The following NCAPG2 variants were observed in gnomAD, a reference collection of about 807,000 sequenced individuals.
NCAPG2 encodes non-SMC condensin II complex subunit G2.
Under a neutral mutation model 141.1 loss-of-function variants are expected in NCAPG2, and 53 were observed. That is an observed-to-expected ratio of 0.38 (90% CI 0.30 to 0.47). The LOEUF (loss-of-function observed/expected upper bound fraction) is 0.47. Among genes scored for constraint, NCAPG2 ranks in the 20% least tolerant of loss-of-function variants. The pLI, the probability that NCAPG2 is intolerant of heterozygous loss-of-function variation, is 0.99. For synonymous variants in NCAPG2, 499 were observed against 490.7 expected, an observed-to-expected ratio of 1.02 and a Z score of -0.22; for missense variants, 1,087 against 1,389.0, an observed-to-expected ratio of 0.78 and a Z score of 3.46.
intron 24 of NCAPG2, among the ~76,000 whole-genome samples, chr7:158,648,400 A>C (rs1052151074): frequency 1.3e-5 from 2 of 152,358 alleles, no homozygotes; most frequent in South Asian, 4.1e-4. Context: ...AAAGAAAAAA[A>C]AACAGAAAGA....
Position 158,656,389 on chromosome 7 carries a change from G to T in NCAPG2, c.2259C>A (p.Arg753=). 1.2e-6 allele frequency: 2 copies of T among 1,614,174 alleles called. No individual in the cohort carries two copies. Among genetic ancestry groups the T allele is most frequent in the Non-Finnish European group, 1.7e-6 (2 of 1,180,036 alleles). ...CCAATGCCAATTCAGGTTTGACTGG[G>T]CGTGTGTCATGGATCTGCACCCTAC... The part of the protein sequence containing the change: ...SKGRVQIHDT[R]PVKPELALVY... Residue 753 remains arginine, a synonymous_variant, in exon 19 of 28, where the codon CGC becomes CGA. Transcript: ENST00000356309.
intron 8 of NCAPG2, among the ~76,000 whole-genome samples, chr7:158,684,055 A>G (rs1231323338): frequency 6.6e-6 from 1 of 152,214 alleles, no homozygotes; most frequent in Non-Finnish European, 1.5e-5. Flanking sequence ...ACCTAAGGAA[A>G]CGCTCCTAGG....
At position 158,667,372 on chromosome 7, in the gene NCAPG2, G is replaced by A. The variant is rs1160628004; in HGVS notation, c.1480-2622C>T. On this transcript the variant is annotated intron_variant, in intron 13 of 27. Transcript: ENST00000356309. Reference sequence around the variant, plus strand: ...TCCTTAGCCACTACCGGATCCCTCCGCCCCCCCTTACCCACTACTGGGTCC... The same window carrying A: ...TCCTTAGCCACTACCGGATCCCTCCACCCCCCCTTACCCACTACTGGGTCC... 4.8e-5 allele frequency: 4 copies of A among 83,056 alleles called. 1 individual carries two copies. The African/African-American group carries it at 1.2e-3, about 25-fold the overall frequency. 5.1% of individuals were successfully genotyped at this position (83,056 alleles called of 1,614,324 possible). A position where few individuals can be genotyped will look rare whatever the true frequency, so the allele number is the denominator to read the frequency against.
chr7:158,673,804 GAAGAGT>G, intron 12 of NCAPG2, among the ~76,000 whole-genome samples: 1 of 152,350 alleles, frequency 6.6e-6, no homozygotes, highest in South Asian at 2.1e-4. Flanking sequence ...GCCAGCACTT[GAAGAGT>G]AAGAGTATTC....
chr7:158,692,241 G>A (rs10807656), intron 4 of NCAPG2, among the ~76,000 whole-genome samples: 134,584 of 152,192 alleles, frequency 0.88, 59,580 homozygotes, highest in Admixed American at 0.93. Flanking sequence ...CAGGAGGTCA[G>A]GGCTACAGTG....
chr7:158,662,592 T>A (rs1048824878), intron 15 of NCAPG2, among the ~76,000 whole-genome samples: 3 of 152,194 alleles, frequency 2.0e-5, no homozygotes, highest in Admixed American at 2.0e-4. Context: ...AAGAAACAGT[T>A]TACATGAAGA....
At chr7:158,658,135 C>T (rs1295676480) in intron 17 of NCAPG2, among the ~76,000 whole-genome samples, 3 of 148,128 alleles carry the variant, frequency 2.0e-5, no homozygotes, top group African/African-American at 7.4e-5. Context: ...TGAGAAACAC[C>T]CAAGAATGAT....
intron 16 of NCAPG2, among the ~76,000 whole-genome samples, chr7:158,661,117 A>G (rs1832467844): frequency 6.6e-6 from 1 of 152,116 alleles, no homozygotes; most frequent in Non-Finnish European, 1.5e-5. Flanking sequence ...AACTAATACA[A>G]TCTGCTTTCA....
intron 2 of NCAPG2, among the ~76,000 whole-genome samples, chr7:158,697,597 A>C (rs1835533947): frequency 6.6e-6 from 1 of 151,722 alleles, no homozygotes; most frequent in Non-Finnish European, 1.5e-5. Flanking sequence ...CAAGGCTCCA[A>C]CTGAAAAGAA....
chr7:158,656,817 T>TTA lies in NCAPG2; in HGVS notation c.2061-114_2061-113dup. ...AAATCTGACGGTGCATAAGCCCTTG[T>TTA]TATTATATTAGCACTTCCATGCTCT... On this transcript the variant is annotated intron_variant, in intron 17 of 27. Transcript: ENST00000356309. 2.4e-6 allele frequency: 3 copies of TTA among 1,242,744 alleles called. 1 individual carries two copies. In the South Asian group the frequency reaches 4.5e-5, roughly 19 times the overall value. The allele number at this position is 1,242,744 out of a possible 1,614,324, so 77.0% of individuals were successfully genotyped here. A position where few individuals can be genotyped will look rare whatever the true frequency, so the allele number is the denominator to read the frequency against.
intron 27 of NCAPG2, among the ~76,000 whole-genome samples, chr7:158,638,520 G>A (rs992119233): frequency 6.6e-5 from 10 of 152,068 alleles, no homozygotes; most frequent in East Asian, 1.9e-4. Context: ...GATTACAGAC[G>A]CGAGCCACCA....
intron 2 of NCAPG2, among the ~76,000 whole-genome samples, chr7:158,697,348 T>TC (rs1233219335): frequency 1.3e-5 from 2 of 152,222 alleles, no homozygotes; most frequent in African/African-American, 4.8e-5. Context: ...ACACCTGTAA[T>TC]CCCAGCACTT....
At chr7:158,647,207 G>A (rs1053741978) in intron 24 of NCAPG2, among the ~76,000 whole-genome samples, 6 of 152,100 alleles carry the variant, frequency 3.9e-5, no homozygotes, top group East Asian at 3.9e-4. Context: ...CTAAATTGGC[G>A]TTTCTCAATC....
chr7:158,673,843 G>A (rs759076439), intron 12 of NCAPG2, among the ~76,000 whole-genome samples: 1 of 152,240 alleles, frequency 6.6e-6, no homozygotes, highest in Non-Finnish European at 1.5e-5. Context: ...GGAGGAAGAA[G>A]AGGGACTGAG....
chr7:158,655,289 CAA>C (rs766124945), intron 20 of NCAPG2, 31 bp from the exon 21 acceptor site: 1 of 1,613,436 alleles, frequency 6.2e-7, no homozygotes, highest in African/African-American at 1.3e-5. Context: ...AAATCAGTAA[CAA>C]AAAGAGCACT....
intron 11 of NCAPG2, among the ~76,000 whole-genome samples, chr7:158,678,679 C>T (rs980529625): frequency 3.4e-5 from 5 of 148,454 alleles, no homozygotes; most frequent in African/African-American, 1.3e-4. Context: ...CAGAGCACGA[C>T]TCTGTCTCTA....
rs61752310 is a variant in NCAPG2 at position 158,656,677 on chromosome 7, G to A, written c.2089C>T (p.Arg697Trp). 4.4e-3 allele frequency: 7,157 copies of A among 1,614,010 alleles called. 25 individuals are homozygous for A. The highest frequency in any genetic ancestry group is 5.1e-3 in the Non-Finnish European group (6,030 of 1,180,018). ...CTCTTGTCCACAGCGCCCTCCTCCC[G>A]GCTTCTCAGCGTGGAAATCACACCA... ...SCGVISTLRS[R>W]EEGAVDKSYC... The change falls in exon 18 of 28, where the codon CGG becomes TGG. Residue 697 changes from arginine (R) to tryptophan (W), a missense_variant. Transcript: ENST00000356309.
intron 2 of NCAPG2, among the ~76,000 whole-genome samples, chr7:158,697,773 G>A (rs926948967): frequency 3.3e-5 from 5 of 152,060 alleles, no homozygotes; most frequent in Non-Finnish European, 7.3e-5. Flanking sequence ...AAAAAAGAAT[G>A]AGATCAAGTC....
intron 27 of NCAPG2, among the ~76,000 whole-genome samples, chr7:158,639,003 C>T (rs897520160): frequency 7.9e-5 from 12 of 152,168 alleles, no homozygotes; most frequent in African/African-American, 1.4e-4. Flanking sequence ...GCTCTTCATC[C>T]GGACAATGCC....
Sources: allele counts gnomAD v4.1 joint callset (sites outside exome capture counted in the v4.1 genomes callset), GRCh38; gene constraint gnomAD v4.1.1; transcripts MANE v1.5; gene names NCBI Gene and HGNC (gene_info 2026-07-23, HGNC 2026-07-21).